Variants in MGAT5 observed in about 807,000 individuals in gnomAD.
The protein encoded by MGAT5 is alpha-1,6-mannosylglycoprotein 6-beta-N-acetylglucosaminyltransferase A.
MGAT5 carries 30 observed loss-of-function variants against 94.3 expected under a neutral mutation model. That is an observed-to-expected ratio of 0.32 (90% confidence interval 0.24 to 0.43). The LOEUF (loss-of-function observed/expected upper bound fraction) is 0.43. Among genes scored for constraint, MGAT5 ranks in the 20% least tolerant of loss-of-function variants. The pLI, the probability that MGAT5 is intolerant of heterozygous loss-of-function variation, is 1.00. For synonymous variants in MGAT5, 310 were observed against 322.9 expected, an observed-to-expected ratio of 0.96 and a Z score of 0.43; for missense variants, 691 against 905.5, an observed-to-expected ratio of 0.76 and a Z score of 3.04.
intron 15 of MGAT5, among the ~76,000 whole-genome samples, chr2:134,445,412 G>C (rs565821655): frequency 2.0e-4 from 30 of 152,270 alleles, no homozygotes; most frequent in African/African-American, 6.7e-4. Context: ...CCTCAAGAGA[G>C]GGGGCTAAGG....
chr2:134,388,834 T>G (rs889385830), intron 10 of MGAT5, among the ~76,000 whole-genome samples: 1 of 152,174 alleles, frequency 6.6e-6, no homozygotes, highest in African/African-American at 2.4e-5. Context: ...CAATCTCAGC[T>G]CACTGCAACC....
chr2:134,379,360 T>C (rs899889345), intron 10 of MGAT5, among the ~76,000 whole-genome samples: 4 of 152,228 alleles, frequency 2.6e-5, no homozygotes, highest in Admixed American at 2.0e-4. Context: ...AGAAGTGTTA[T>C]TGTGGCCAGT....
At chr2:134,284,318 TATAA>T (rs1289241492) in intron 2 of MGAT5, among the ~76,000 whole-genome samples, 1 of 152,220 alleles carries the variant, frequency 6.6e-6, no homozygotes, top group Non-Finnish European at 1.5e-5. Flanking sequence ...TGCCTAAATT[TATAA>T]ATAAAGTTTT....
chr2:134,427,106 G>A (rs2106374485), intron 13 of MGAT5, among the ~76,000 whole-genome samples: 1 of 152,008 alleles, frequency 6.6e-6, no homozygotes, highest in East Asian at 1.9e-4. Flanking sequence ...CAACTGCTTG[G>A]CTGCCAACTA....
intron 7 of MGAT5, among the ~76,000 whole-genome samples, chr2:134,344,112 C>G (rs1381439315): frequency 1.3e-5 from 2 of 152,076 alleles, no homozygotes; most frequent in African/African-American, 4.8e-5. Flanking sequence ...TGGGGTGTTG[C>G]AGATAAGCAA....
chr2:134,402,036 T>G (rs952080719), intron 10 of MGAT5, among the ~76,000 whole-genome samples: 1 of 152,206 alleles, frequency 6.6e-6, no homozygotes, highest in African/African-American at 2.4e-5. Flanking sequence ...TATTATTAGA[T>G]TTGCCTGGAG....
chr2:134,313,207 C>T (rs972040916), intron 2 of MGAT5, among the ~76,000 whole-genome samples: 1 of 152,168 alleles, frequency 6.6e-6, no homozygotes, highest in Middle Eastern at 3.4e-3. Flanking sequence ...TTGGGACTGT[C>T]AGGGAGAATC....
chr2:134,435,144 G>A (rs1297865586), intron 14 of MGAT5, among the ~76,000 whole-genome samples: 2 of 151,992 alleles, frequency 1.3e-5, no homozygotes, highest in African/African-American at 2.4e-5. Flanking sequence ...CCCTCTTCCC[G>A]GAAATCTCCA....
intron 8 of MGAT5, 32 bp downstream of exon 8, chr2:134,345,096 T>A: frequency 6.3e-7 from 1 of 1,590,820 alleles, no homozygotes; most frequent in Non-Finnish European, 8.6e-7. Context: ...GACTTAAGGT[T>A]TTTTTTCCCC....
In MGAT5 at chr2:134,350,202, A is replaced by G. The variant is rs1338070237; in HGVS notation, c.1246+264A>G. ...TCAATACAAAGTATCTTTAGAAACT[A>G]TTTGGGAAAGGACTTTGCAGTTACT... On this transcript the variant is annotated intron_variant, in intron 9 of 15. Transcript: ENST00000281923. 2.0e-5 allele frequency among the ~76,000 whole-genome samples: 3 copies of G among 152,154 alleles called. No individual in the cohort carries two copies. The East Asian group carries it at 5.8e-4, about 29-fold the overall frequency.
At chr2:134,344,171 C>T (rs1300487830) in intron 7 of MGAT5, among the ~76,000 whole-genome samples, 1 of 152,100 alleles carries the variant, frequency 6.6e-6, no homozygotes, top group South Asian at 2.1e-4. Context: ...AGCACTGACT[C>T]GTTCCTACAC....
intron 1 of MGAT5, among the ~76,000 whole-genome samples, chr2:134,163,247 A>C (rs566508090): frequency 6.6e-6 from 1 of 152,156 alleles, no homozygotes; most frequent in Non-Finnish European, 1.5e-5. Flanking sequence ...GTTAGAGCAG[A>C]CCTTCCTGAT....
intron 9 of MGAT5, among the ~76,000 whole-genome samples, chr2:134,353,709 A>T (rs1679539941): frequency 1.3e-5 from 2 of 152,210 alleles, no homozygotes; most frequent in South Asian, 4.1e-4. Flanking sequence ...ACTCCTGATG[A>T]GACAGCAGAG....
chr2:134,150,389 C>T (rs1446618668), intron 1 of MGAT5, among the ~76,000 whole-genome samples: 1 of 152,164 alleles, frequency 6.6e-6, no homozygotes, highest in Non-Finnish European at 1.5e-5. Context: ...GTTTCTGCTC[C>T]CTATGCCCAG....
At chr2:134,445,980 C>A (rs1685748511) in intron 15 of MGAT5, among the ~76,000 whole-genome samples, 1 of 152,152 alleles carries the variant, frequency 6.6e-6, no homozygotes, top group East Asian at 1.9e-4. Flanking sequence ...ATGGGATGGG[C>A]ACATGCATGC....
intron 2 of MGAT5, among the ~76,000 whole-genome samples, chr2:134,271,698 T>C (rs1022721388): frequency 1.3e-5 from 2 of 152,220 alleles, no homozygotes; most frequent in African/African-American, 2.4e-5. Flanking sequence ...TTTCTAATAA[T>C]TCAAAGTATT....
chr2:134,436,054 GC>G (rs1460331373), intron 14 of MGAT5, among the ~76,000 whole-genome samples: 2 of 152,194 alleles, frequency 1.3e-5, no homozygotes, highest in African/African-American at 2.4e-5. Context: ...CCAGACTCTT[GC>G]AGCAAAGAAT....
chr2:134,336,024 C>T (rs1197886739), intron 4 of MGAT5, among the ~76,000 whole-genome samples, 193 bp from the exon 5 acceptor site: 1 of 152,112 alleles, frequency 6.6e-6, no homozygotes, highest in Non-Finnish European at 1.5e-5. Context: ...CTGACCTTTG[C>T]TGCTGATTGT....
chr2:134,294,259 C>T (rs1415151384), intron 2 of MGAT5, among the ~76,000 whole-genome samples: 2 of 152,176 alleles, frequency 1.3e-5, no homozygotes, highest in African/African-American at 4.8e-5. Context: ...AAGATCTCTG[C>T]ACTGGCAGTA....
Sources: allele counts gnomAD v4.1 joint callset (sites outside exome capture counted in the v4.1 genomes callset), GRCh38; gene constraint gnomAD v4.1.1; transcripts MANE v1.5; gene names NCBI Gene and HGNC (gene_info 2026-07-23, HGNC 2026-07-21).